Variants in MOB4 observed in about 807,000 individuals in gnomAD.
MOB4 encodes MOB family member 4, phocein.
MOB4 carries 4 observed loss-of-function variants against 32.2 expected under a neutral mutation model. The observed-to-expected ratio is 0.12, with a 90% confidence interval of 0.06 to 0.28. The LOEUF (loss-of-function observed/expected upper bound fraction) is 0.28. Among genes scored for constraint, MOB4 ranks in the 10% least tolerant of loss-of-function variants. The pLI is 1.00. For synonymous variants in MOB4, 88 were observed against 88.1 expected, an observed-to-expected ratio of 1.00 and a Z score of 0.01; for missense variants, 158 against 271.2, an observed-to-expected ratio of 0.58 and a Z score of 2.93.
intron 5 of MOB4, 89 bp from the exon 6 acceptor site, chr2:197,548,247 C>A: frequency 9.2e-7 from 1 of 1,091,862 alleles, no homozygotes; most frequent in Non-Finnish European, 1.3e-6. Context: ...ATGCTCATGT[C>A]TTTGGAATAA....
At position 197,516,611 on chromosome 2, in the gene MOB4, C is replaced by G. The variant is rs546275750; in HGVS notation, c.60+465C>G. On this transcript the variant is annotated intron_variant, in intron 1 of 7. Coordinates refer to ENST00000323303, the MANE Select transcript of MOB4 (RefSeq NM_015387.5). ...CTACCTGGCCTGGGAAGTACCTACCCGTTTCCTGCCATCCAGCTTGTCTAG... is the reference window on the plus strand; with the variant it reads ...CTACCTGGCCTGGGAAGTACCTACCGGTTTCCTGCCATCCAGCTTGTCTAG... 9.5e-4 allele frequency: 449 copies of G among 473,752 alleles called. 1 individual carries two copies. Among genetic ancestry groups the G allele is most frequent in the African/African-American group, 8.0e-3 (401 of 50,282 alleles). The allele number at this position is 473,752 out of a possible 1,614,324, so 29.3% of individuals were successfully genotyped here. A position where few individuals can be genotyped will look rare whatever the true frequency, so the allele number is the denominator to read the frequency against.
chr2:197,550,203 G>A (rs1403199918), intron 6 of MOB4, 72 bp from the exon 7 acceptor site: 5 of 1,392,152 alleles, frequency 3.6e-6, no homozygotes, highest in Non-Finnish European at 4.8e-6. Context: ...ACTTGTAAGC[G>A]AGAAATTGGA....
chr2:197,528,404 G>A (rs901234757), intron 2 of MOB4, among the ~76,000 whole-genome samples: 1 of 151,938 alleles, frequency 6.6e-6, no homozygotes, highest in Non-Finnish European at 1.5e-5. Context: ...ACTATCATAT[G>A]CACCCCTTTT....
At chr2:197,517,056 G>A (rs2086427808) in intron 1 of MOB4, among the ~76,000 whole-genome samples, 1 of 152,156 alleles carries the variant, frequency 6.6e-6, no homozygotes, top group South Asian at 2.1e-4. Context: ...CAAAACAATC[G>A]TGGAGCTATG....
chr2:197,540,668 T>C (rs2086881120), intron 5 of MOB4, among the ~76,000 whole-genome samples: 2 of 152,256 alleles, frequency 1.3e-5, no homozygotes, highest in Admixed American at 1.3e-4. Context: ...CATGATCCAC[T>C]GGCTATTACG....
intron 6 of MOB4, among the ~76,000 whole-genome samples, chr2:197,548,776 A>G (rs2087042763): frequency 6.6e-6 from 1 of 152,136 alleles, no homozygotes; most frequent in African/African-American, 2.4e-5. Flanking sequence ...TTGGCTGTCA[A>G]AGCTCAAGGC....
chr2:197,527,072 C>T (rs2086623091), intron 2 of MOB4, among the ~76,000 whole-genome samples: 1 of 152,116 alleles, frequency 6.6e-6, no homozygotes, highest in Non-Finnish European at 1.5e-5. Flanking sequence ...CCACCATGCT[C>T]TGACCAAATT....
At chr2:197,550,411 T>C (rs1460427676) in intron 7 of MOB4, 25 bp downstream of exon 7, 1 of 1,609,940 alleles carries the variant, frequency 6.2e-7, no homozygotes, top group Non-Finnish European at 8.5e-7. Context: ...CTGATTATCT[T>C]GATGCATTCT....
chr2:197,528,477 A>G (rs888011668), intron 2 of MOB4, among the ~76,000 whole-genome samples: 1 of 152,172 alleles, frequency 6.6e-6, no homozygotes, highest in South Asian at 2.1e-4. Flanking sequence ...CCCCATCGTT[A>G]ATCATTTTAC....
intron 5 of MOB4, among the ~76,000 whole-genome samples, chr2:197,547,329 G>A (rs762040842): frequency 3.3e-5 from 5 of 152,158 alleles, no homozygotes; most frequent in East Asian, 1.9e-4. Context: ...TTGTAAAACT[G>A]TCTCATGGTA....
rs1321020865 is a variant in MOB4, at chr2:197,550,766, A to G, written c.*120A>G. The G allele has an allele frequency of 5.4e-6, 7 of 1,284,804 alleles. No individual in the cohort carries two copies. Among genetic ancestry groups the G allele is most frequent in the East Asian group, 2.8e-5 (1 of 35,232 alleles). 79.6% of individuals were successfully genotyped at this position (1,284,804 alleles called of 1,614,324 possible). On this transcript the variant is annotated 3_prime_UTR_variant, in exon 8 of 8. Transcript: ENST00000323303. The stretch of plus-strand genomic sequence containing the variant: ...TTCTTTGTTTAGTATAGGTTTTTGT[A>G]TGCTGGGTTTGCCTTTTAAAATGGG...
chr2:197,542,747 G>A (rs1007497053), intron 5 of MOB4, among the ~76,000 whole-genome samples: 1 of 152,228 alleles, frequency 6.6e-6, no homozygotes, highest in Middle Eastern at 3.4e-3. Context: ...CCATTACATA[G>A]TATTTTGTAA....
Position 197,544,220 on chromosome 2 carries a change from C to T in MOB4, c.354+3783C>T, listed in dbSNP as rs1156643306. ...CTGAGTAGCTGGGACAACAGGCGTG[C>T]ACCACCATGCCAGGCTAATTTTTGT... On this transcript the variant is annotated intron_variant, in intron 5 of 7. Coordinates refer to ENST00000323303, the MANE Select transcript of MOB4 (RefSeq NM_015387.5). 1.1e-4 allele frequency among the ~76,000 whole-genome samples: 17 copies of T among 152,250 alleles called. No homozygotes were observed. The East Asian group carries it at 3.1e-3, about 28-fold the overall frequency.
chr2:197,542,876 A>G (rs2086921000), intron 5 of MOB4, among the ~76,000 whole-genome samples: 1 of 152,214 alleles, frequency 6.6e-6, no homozygotes, highest in South Asian at 2.1e-4. Flanking sequence ...AATGTCATCC[A>G]AATTAAAAAT....
intron 1 of MOB4, among the ~76,000 whole-genome samples, chr2:197,517,633 C>G (rs1413056784): frequency 6.6e-6 from 1 of 151,766 alleles, no homozygotes; most frequent in South Asian, 2.1e-4. Flanking sequence ...TAGAAGAAAA[C>G]TTATTGTCTT....
rs780605739 is a variant in MOB4 at position 197,538,390 on chromosome 2, GT to G, written c.225-1706del. Among the ~76,000 whole-genome samples, 294 of 127,920 alleles carry G rather than the reference GT, an allele frequency of 2.3e-3. 1 individual carries two copies. The highest frequency in any genetic ancestry group is 4.1e-3 in the Middle Eastern group (1 of 246). The allele number at this position is 127,920 out of a possible 152,430, so 83.9% of individuals were successfully genotyped here. On this transcript the variant is annotated intron_variant, in intron 3 of 7. Transcript: ENST00000323303. ...CATTTTATTAGTTGACCAGGAAGAG[GT>G]TTTTTTTTTTTTTTGCATACATCCT...
At position 197,551,168 on chromosome 2, in the gene MOB4, G is replaced by T. The variant is rs1559327147; in HGVS notation, c.*522G>T. The T allele has an allele frequency of 6.6e-6, 1 of 152,256 alleles. No homozygotes were observed. Among genetic ancestry groups the T allele is most frequent in the African/African-American group, 2.4e-5 (1 of 41,416 alleles). 9.4% of individuals were successfully genotyped at this position (152,256 alleles called of 1,614,324 possible). A position where few individuals can be genotyped will look rare whatever the true frequency, so the allele number is the denominator to read the frequency against. ...GTTTTTGATATGCATATATAATTAT[G>T]TGTATATCTAAATACAAATGCAAAT... is the stretch of plus-strand genomic sequence containing the variant. On this transcript the variant is annotated 3_prime_UTR_variant, in exon 8 of 8. Transcript: ENST00000323303.
At chr2:197,519,170 A>G (rs987496817) in intron 1 of MOB4, among the ~76,000 whole-genome samples, 1 of 152,190 alleles carries the variant, frequency 6.6e-6, no homozygotes, top group African/African-American at 2.4e-5. Context: ...TGCTGGGATT[A>G]CAGGCGCAAG....
chr2:197,536,940 G>T (rs1322326604), intron 3 of MOB4, among the ~76,000 whole-genome samples: 5 of 151,642 alleles, frequency 3.3e-5, no homozygotes, highest in Middle Eastern at 3.4e-3. Flanking sequence ...GGGTCTCACT[G>T]TGTTGCCCAA....
Sources: gnomAD v4.1 joint callset for allele counts (sites outside exome capture counted in the v4.1 genomes callset) on GRCh38, gnomAD v4.1.1 for gene constraint, MANE v1.5 for transcripts, NCBI Gene and HGNC (gene_info 2026-07-23, HGNC 2026-07-21) for gene names.